Variants in KCNH1 observed in about 807,000 individuals in gnomAD.
KCNH1 encodes the protein potassium voltage-gated channel subfamily H member 1, also known as voltage-gated delayed rectifier potassium channel KCNH1.
Under a neutral mutation model 69.2 loss-of-function variants are expected in KCNH1, and 27 were observed. That is an observed-to-expected ratio of 0.39 (90% CI 0.29 to 0.54). The LOEUF is 0.54. Ranked by LOEUF, KCNH1 falls within the 20% of genes least tolerant of loss-of-function variation. The probability of loss-of-function intolerance (pLI) is 0.68; values close to 1 mark genes in which losing one functional copy is unlikely to be tolerated. For missense variants in KCNH1, 798 were observed against 1,261.6 expected (o/e 0.63, Z 5.57); for synonymous variants, 456 against 487.7 (o/e 0.93, Z 0.86).
chr1:210,806,818 A>ATAT (rs1558477719), intron 7 of KCNH1, among the ~76,000 whole-genome samples: 1 of 18,184 alleles, frequency 5.5e-5, no homozygotes, highest in African/African-American at 1.4e-4. Flanking sequence ...AAAAAAAAAA[A>ATAT]AAAAAAAAAA....
chr1:211,056,368 C>A (rs929321328), intron 5 of KCNH1, among the ~76,000 whole-genome samples: 4 of 152,098 alleles, frequency 2.6e-5, no homozygotes, highest in African/African-American at 9.7e-5. Flanking sequence ...AGGTCAGCTA[C>A]AATAGAATAA....
chr1:210,865,374 A>G (rs1054714882), intron 7 of KCNH1, among the ~76,000 whole-genome samples: 1 of 152,252 alleles, frequency 6.6e-6, no homozygotes, highest in African/African-American at 2.4e-5. Context: ...CCAAGGTCAT[A>G]TAGTTTTTAA....
chr1:210,983,591 G>T (rs911196557), intron 6 of KCNH1, among the ~76,000 whole-genome samples: 2 of 152,168 alleles, frequency 1.3e-5, no homozygotes, highest in Non-Finnish European at 2.9e-5. Context: ...CAGACATGCA[G>T]CATTATTTCT....
At chr1:210,737,783 A>G (rs1344367322) in intron 10 of KCNH1, among the ~76,000 whole-genome samples, 1 of 152,164 alleles carries the variant, frequency 6.6e-6, no homozygotes, top group Non-Finnish European at 1.5e-5. Context: ...GCATCTGGCC[A>G]TTTCTCCCCA....
At chr1:210,883,438 G>A (rs1686538881) in intron 7 of KCNH1, among the ~76,000 whole-genome samples, 1 of 152,148 alleles carries the variant, frequency 6.6e-6, no homozygotes, top group East Asian at 1.9e-4. Flanking sequence ...ATAACACAAA[G>A]CATGTATCCT....
In KCNH1 at chr1:210,679,042, G is replaced by A. The variant is rs1416495890; in HGVS notation, c.*4239C>T. On this transcript the variant is annotated 3_prime_UTR_variant, in exon 11 of 11. Coordinates refer to ENST00000271751, the MANE Select transcript of KCNH1 (RefSeq NM_172362.3). Reference sequence around the variant, plus strand: ...GATAAATTCACATTGATTCTTTTGAGCTGTAGGGGGTAGAAATTAAAACTT... The same window carrying A: ...GATAAATTCACATTGATTCTTTTGAACTGTAGGGGGTAGAAATTAAAACTT... The A allele has an allele frequency of 6.6e-6, 1 of 152,216 alleles. No individual in the cohort carries two copies. Among genetic ancestry groups the A allele is most frequent in the Non-Finnish European group, 1.5e-5 (1 of 68,044 alleles). The allele number at this position is 152,216 out of a possible 1,614,324, so 9.4% of individuals were successfully genotyped here. A position where few individuals can be genotyped will look rare whatever the true frequency, so the allele number is the denominator to read the frequency against.
At chr1:210,872,085 T>A (rs565610987) in intron 7 of KCNH1, among the ~76,000 whole-genome samples, 1 of 125,048 alleles carries the variant, frequency 8.0e-6, no homozygotes, top group Non-Finnish European at 1.7e-5. Flanking sequence ...AATATATACA[T>A]AATATGATCT....
chr1:211,120,146 C>G (rs1691659691), intron 1 of KCNH1, among the ~76,000 whole-genome samples: 1 of 150,570 alleles, frequency 6.6e-6, no homozygotes, highest in Admixed American at 6.6e-5. Flanking sequence ...AAAAATGTTT[C>G]AATAGATTAA....
At chr1:210,715,029 C>T (rs1393934104) in intron 10 of KCNH1, among the ~76,000 whole-genome samples, 1 of 152,202 alleles carries the variant, frequency 6.6e-6, no homozygotes, top group Non-Finnish European at 1.5e-5. Context: ...GTGCAGAGGG[C>T]ATGCAGCCAG....
chr1:210,732,339 T>C (rs1299881004), intron 10 of KCNH1, among the ~76,000 whole-genome samples: 1 of 151,940 alleles, frequency 6.6e-6, no homozygotes, highest in African/African-American at 2.4e-5. Context: ...CTGGTAGAGG[T>C]ACCTGGGAGA....
At chr1:210,978,526 A>T (rs28550537) in intron 6 of KCNH1, among the ~76,000 whole-genome samples, 1,659 of 152,164 alleles carry the variant, frequency 0.011, 36 homozygotes, top group African/African-American at 0.038. Flanking sequence ...TGTTTTGTTG[A>T]AACCTGAACA....
Position 210,969,428 on chromosome 1 carries a change from T to C in KCNH1, c.1032+49355A>G, listed in dbSNP as rs1461243255. ...TCTATAAAATCACCTGGTACTTACA[T>C]TTTCTTCATTAGAAGTTATATGCCA... On this transcript the variant is annotated intron_variant, in intron 6 of 10. Coordinates refer to ENST00000271751, the MANE Select transcript of KCNH1 (RefSeq NM_172362.3). Among the ~76,000 whole-genome samples the C allele has an allele frequency of 2.0e-5, 3 of 152,112 alleles. 1 individual carries two copies. The highest frequency in any genetic ancestry group is 4.1e-4 in the South Asian group (2 of 4,830).
intron 10 of KCNH1, among the ~76,000 whole-genome samples, chr1:210,689,392 C>T (rs899858170): frequency 6.6e-6 from 1 of 152,182 alleles, no homozygotes; most frequent in Non-Finnish European, 1.5e-5. Context: ...GTCTCAGCAG[C>T]ACGCATGGGG....
rs373521686 is a variant in KCNH1 at position 211,108,878 on chromosome 1, C to T, written c.80-1501G>A. On this transcript the variant is annotated intron_variant, in intron 1 of 10. Transcript: ENST00000271751. ...AATTGTTCTTGAGTGCCAACAGGTG[C>T]CAAGCACAATGCAAGACCCTGGGGG... Among the ~76,000 whole-genome samples the T allele has an allele frequency of 7.2e-5, 11 of 152,292 alleles. No individual in the cohort carries two copies. The East Asian group carries it at 1.7e-3, about 24-fold the overall frequency.
At chr1:210,928,734 A>G (rs1006990942) in intron 6 of KCNH1, among the ~76,000 whole-genome samples, 2 of 152,172 alleles carry the variant, frequency 1.3e-5, no homozygotes, top group Non-Finnish European at 2.9e-5. Context: ...AAAAGAAAAA[A>G]GATGAAAAGA....
chr1:211,057,039 C>T (rs1054087588), intron 5 of KCNH1, among the ~76,000 whole-genome samples: 4 of 152,126 alleles, frequency 2.6e-5, no homozygotes, highest in African/African-American at 9.7e-5. Flanking sequence ...AAGTAAGGCA[C>T]CCAGTGACCA....
chr1:210,978,366 G>A (rs1688653272), intron 6 of KCNH1, among the ~76,000 whole-genome samples: 2 of 152,132 alleles, frequency 1.3e-5, no homozygotes, highest in Non-Finnish European at 1.5e-5. Context: ...ATAGTTGCAT[G>A]TAGTTTCTTG....
rs58988658 is a variant in KCNH1, at chr1:210,761,249, C to CAAAAA, written c.2112+14094_2112+14098dup. Among the ~76,000 whole-genome samples the CAAAAA allele has an allele frequency of 1.1e-4, 4 of 37,090 alleles. 1 individual carries two copies. Among genetic ancestry groups the CAAAAA allele is most frequent in the Non-Finnish European group, 1.4e-4 (3 of 22,180 alleles). 24.3% of individuals were successfully genotyped at this position (37,090 alleles called of 152,430 possible). A position where few individuals can be genotyped will look rare whatever the true frequency, so the allele number is the denominator to read the frequency against. Reference sequence around the variant, plus strand: ...CCTGGGCGACAGAGCGAGACTCCGTCAAAAAAAAAAAAAAAAAAAAAAAAA... The same window carrying CAAAAA: ...CCTGGGCGACAGAGCGAGACTCCGTCAAAAAAAAAAAAAAAAAAAAAAAAAAAAAA... On this transcript the variant is annotated intron_variant, in intron 10 of 10. Transcript: ENST00000271751.
intron 1 of KCNH1, among the ~76,000 whole-genome samples, chr1:211,126,687 C>CAAAAAAAA (rs71571980): frequency 3.1e-5 from 2 of 64,952 alleles, no homozygotes; most frequent in African/African-American, 5.3e-5. Context: ...TATAATATCT[C>CAAAAAAAA]AAAAAAAAAA....
Sources: allele counts gnomAD v4.1 joint callset (sites outside exome capture counted in the v4.1 genomes callset), GRCh38; gene constraint gnomAD v4.1.1; transcripts MANE v1.5; gene names NCBI Gene and HGNC (gene_info 2026-07-23, HGNC 2026-07-21).